CNTNAP5: variants seen among roughly 807,000 people sequenced by gnomAD.
The protein encoded by CNTNAP5 is contactin associated protein family member 5.
CNTNAP5 carries 72 observed loss-of-function variants against 150.2 expected under a neutral mutation model. The observed-to-expected ratio is 0.48, with a 90% confidence interval of 0.40 to 0.58. The LOEUF (loss-of-function observed/expected upper bound fraction) is 0.58, where lower values mean the gene tolerates loss of function less well. Among genes scored for constraint, CNTNAP5 ranks in the 20% least tolerant of loss-of-function variants. The pLI is 0.00. For synonymous variants in CNTNAP5, 672 were observed against 619.8 expected, an observed-to-expected ratio of 1.08 and a Z score of -1.25; for missense variants, 1,636 against 1,626.2, an observed-to-expected ratio of 1.01 and a Z score of -0.10.
intron 1 of CNTNAP5, among the ~76,000 whole-genome samples, chr2:124,089,781 G>A (rs1682773445): frequency 6.6e-6 from 1 of 152,196 alleles, no homozygotes; most frequent in Non-Finnish European, 1.5e-5. Context: ...GTTGATCATA[G>A]CTCTGAAGTG....
chr2:124,653,180 G>A (rs950907497), intron 13 of CNTNAP5, among the ~76,000 whole-genome samples: 1 of 151,938 alleles, frequency 6.6e-6, no homozygotes, highest in Non-Finnish European at 1.5e-5. Context: ...AGCTGAGAGT[G>A]GTTTCTACCT....
intron 19 of CNTNAP5, among the ~76,000 whole-genome samples, chr2:124,859,501 C>T (rs942279782): frequency 8.1e-4 from 123 of 152,276 alleles, no homozygotes; most frequent in Middle Eastern, 3.4e-3. Flanking sequence ...GTCATTGTGG[C>T]GATTCCTCAG....
rs1052675882 is a variant in CNTNAP5 at position 124,774,271 on chromosome 2, C to A, written c.2752+1254C>A. Among the ~76,000 whole-genome samples the A allele has an allele frequency of 2.6e-5, 4 of 152,078 alleles. No homozygotes were observed. In the South Asian group the frequency reaches 6.2e-4, roughly 24 times the overall value. On this transcript the variant is annotated intron_variant, in intron 17 of 23. Transcript: ENST00000682447. ...CTTTACTGCTAGTGATGAAATGCCA[C>A]CAGCATTCAATGGAAGTTTCCTTAC...
At chr2:124,860,629 C>T (rs1268130243) in intron 19 of CNTNAP5, among the ~76,000 whole-genome samples, 1 of 151,644 alleles carries the variant, frequency 6.6e-6, no homozygotes, top group Admixed American at 6.6e-5. Context: ...TTACCATGGG[C>T]CAGACACTAG....
At chr2:124,501,998 A>AT (rs1694289486) in intron 7 of CNTNAP5, among the ~76,000 whole-genome samples, 1 of 152,152 alleles carries the variant, frequency 6.6e-6, no homozygotes, top group Non-Finnish European at 1.5e-5. Context: ...TGTGAAGGGA[A>AT]TCGGGGGAAG....
At chr2:124,497,133 T>C (rs1363173195) in intron 7 of CNTNAP5, among the ~76,000 whole-genome samples, 1 of 152,164 alleles carries the variant, frequency 6.6e-6, no homozygotes, top group Non-Finnish European at 1.5e-5. Flanking sequence ...GCTTTTTTTA[T>C]TTTCAGGTTT....
At chr2:124,865,206 G>C in intron 19 of CNTNAP5, 100 bp from the exon 20 acceptor site, 1 of 929,804 alleles carries the variant, frequency 1.1e-6, no homozygotes, top group South Asian at 1.9e-5. Context: ...GAAGGATTAA[G>C]ACCTGGGGCC....
In CNTNAP5 at chr2:124,887,218, T is replaced by C. The variant is rs3980913; in HGVS notation, c.3437-15664T>C. 1.8e-3 allele frequency among the ~76,000 whole-genome samples: 273 copies of C among 151,972 alleles called. 2 individuals carry two copies. Among genetic ancestry groups the C allele is most frequent in the African/African-American group, 2.1e-3 (85 of 41,406 alleles). On this transcript the variant is annotated intron_variant, in intron 21 of 23. Coordinates refer to ENST00000682447, the MANE Select transcript of CNTNAP5 (RefSeq NM_001367498.1). ...AACCTGCCCCTCCTAAAGTGTGGTC[T>C]TTGAAGGCAGGAACATTTTGTTGTC...
intron 1 of CNTNAP5, among the ~76,000 whole-genome samples, chr2:124,126,499 A>C (rs1335316435): frequency 1.3e-5 from 2 of 152,194 alleles, no homozygotes; most frequent in Non-Finnish European, 2.9e-5. Flanking sequence ...AGCTGGTACC[A>C]TTCCTTCTGA....
At chr2:124,800,635 A>C (rs1330740161) in intron 19 of CNTNAP5, among the ~76,000 whole-genome samples, 1 of 152,188 alleles carries the variant, frequency 6.6e-6, no homozygotes, top group East Asian at 1.9e-4. Flanking sequence ...ATGTGAATCT[A>C]TTTCATTGAG....
chr2:124,320,528 C>T (rs1189557497), intron 3 of CNTNAP5, among the ~76,000 whole-genome samples: 1 of 152,178 alleles, frequency 6.6e-6, no homozygotes, highest in African/African-American at 2.4e-5. Flanking sequence ...CAGCCACTGA[C>T]ATGCAAGCTC....
At chr2:124,664,587 G>T (rs748301883) in intron 13 of CNTNAP5, among the ~76,000 whole-genome samples, 9 of 152,132 alleles carry the variant, frequency 5.9e-5, no homozygotes, top group Non-Finnish European at 1.2e-4. Flanking sequence ...TCTGGAGTAC[G>T]TCAAACCTGC....
intron 8 of CNTNAP5, among the ~76,000 whole-genome samples, chr2:124,513,497 C>T (rs1047722548): frequency 6.6e-6 from 1 of 152,096 alleles, no homozygotes; most frequent in African/African-American, 2.4e-5. Flanking sequence ...TGTAAGCAAC[C>T]ATGGAAACAA....
chr2:124,361,897 C>A (rs1261966656), intron 3 of CNTNAP5, among the ~76,000 whole-genome samples: 1 of 151,726 alleles, frequency 6.6e-6, no homozygotes. Flanking sequence ...GGCGGGCGCC[C>A]CTCCCCCAGC....
intron 14 of CNTNAP5, among the ~76,000 whole-genome samples, chr2:124,754,784 C>T (rs1168704815): frequency 1.3e-5 from 2 of 151,990 alleles, no homozygotes; most frequent in Non-Finnish European, 2.9e-5. Flanking sequence ...AACTCCTGAC[C>T]TCAAGCAATC....
chr2:124,707,149 A>G (rs867860753), intron 13 of CNTNAP5, among the ~76,000 whole-genome samples: 3,568 of 52,276 alleles, frequency 0.068, 167 homozygotes, highest in Middle Eastern at 0.13. Context: ...AGGAAGAAGA[A>G]GAAGAAGAAG....
At chr2:124,630,459 C>G (rs1163312663) in intron 12 of CNTNAP5, among the ~76,000 whole-genome samples, 1 of 152,098 alleles carries the variant, frequency 6.6e-6, no homozygotes, top group Non-Finnish European at 1.5e-5. Context: ...ATAAACAGAA[C>G]TAAAGATAAA....
chr2:124,838,982 T>A (rs1682886979), intron 19 of CNTNAP5, among the ~76,000 whole-genome samples: 1 of 152,114 alleles, frequency 6.6e-6, no homozygotes, highest in Admixed American at 6.6e-5. Flanking sequence ...AGTCATACAT[T>A]AATAAAATAT....
intron 1 of CNTNAP5, among the ~76,000 whole-genome samples, chr2:124,204,041 C>A (rs1685800398): frequency 6.6e-6 from 1 of 152,168 alleles, no homozygotes; most frequent in Non-Finnish European, 1.5e-5. Flanking sequence ...CTCTGCTTCC[C>A]TCTTAAACAT....
Sources: allele counts gnomAD v4.1 joint callset (sites outside exome capture counted in the v4.1 genomes callset), GRCh38; gene constraint gnomAD v4.1.1; transcripts MANE v1.5; gene names NCBI Gene and HGNC (gene_info 2026-07-23, HGNC 2026-07-21).